The following DVL3 variants were observed in gnomAD, a reference collection of about 807,000 sequenced individuals.
The protein encoded by DVL3 is segment polarity protein dishevelled homolog DVL-3.
A neutral mutation model predicts 67.4 loss-of-function variants in DVL3; 27 were observed. The ratio of observed to expected loss-of-function variants is 0.40; its 90% CI spans 0.30 to 0.55. The LOEUF is 0.55. Ranked by LOEUF, DVL3 falls within the 20% of genes least tolerant of loss-of-function variation. The pLI, the probability that DVL3 is intolerant of heterozygous loss-of-function variation, is 0.46. For missense variants in DVL3, 819 were observed against 1,021.5 expected, an observed-to-expected ratio of 0.80 and a Z score of 2.70; for synonymous variants, 369 against 396.8, an observed-to-expected ratio of 0.93 and a Z score of 0.83.
At chr3:184,169,511 G>A (rs759095496) in intron 13 of DVL3, among the ~76,000 whole-genome samples, 78 of 152,130 alleles carry the variant, frequency 5.1e-4, no homozygotes, top group African/African-American at 1.8e-3. Flanking sequence ...CCTGGCTAAC[G>A]TGGCAAAACC....
Position 184,165,520 on chromosome 3 carries a change from C to A in DVL3, c.763+29C>A. On this transcript the variant is annotated intron_variant, in intron 7 of 14. Transcript: ENST00000313143. The surrounding 1 kb of genome is among the most constrained non-coding windows in gnomAD (Gnocchi z 4.1). The stretch of plus-strand genomic sequence containing the variant: ...AGTCTGAGGAAACAGCACTCTCAAG[C>A]ACCTGCTATATGCCAGACACTGGGC... 1.9e-6 allele frequency: 3 copies of A among 1,597,100 alleles called. No individual in the cohort carries two copies. The highest frequency in any genetic ancestry group is 2.6e-6 in the Non-Finnish European group (3 of 1,164,584).
chr3:184,160,772 C>T (rs1714353450), intron 1 of DVL3, among the ~76,000 whole-genome samples: 1 of 152,200 alleles, frequency 6.6e-6, no homozygotes. Context: ...CAATTTCCCC[C>T]AGACAGGCAG....
chr3:184,170,048 G>T lies in DVL3; in HGVS notation c.1541G>T (p.Gly514Val), dbSNP rs751940253. 2.5e-6 allele frequency: 4 copies of T among 1,613,256 alleles called. No homozygotes were observed. Among genetic ancestry groups the T allele is most frequent in the Non-Finnish European group, 3.4e-6 (4 of 1,179,512 alleles). ...CTCCACGATCACGATGGCTCCAGTG[G>T]CGCCTCTGACCAGGACACACTGGCC... ...LSLHDHDGSSGASDQDTLAPL... is the reference protein window; with the variant it reads ...LSLHDHDGSSVASDQDTLAPL... Residue 514 changes from glycine to valine, a missense_variant, in exon 14 of 15, where the codon GGC becomes GTC. Transcript: ENST00000313143. This position sits in a 1 kb window ranked among gnomAD's most constrained non-coding sequence, Gnocchi z 6.5.
At position 184,155,734 on chromosome 3, in the gene DVL3, T is replaced by C. The variant is rs934608779; in HGVS notation, c.99T>C (p.Phe33=). 3.1e-6 allele frequency: 5 copies of C among 1,613,162 alleles called. No homozygotes were observed. Among genetic ancestry groups the C allele is most frequent in the East Asian group, 2.2e-5 (1 of 44,766 alleles). The change falls in exon 1 of 15, where the codon TTT becomes TTC. Residue 33 remains phenylalanine (F), a synonymous_variant. Coordinates refer to ENST00000313143, the MANE Select transcript of DVL3 (RefSeq NM_004423.4). This position sits in a 1 kb window ranked among gnomAD's most constrained non-coding sequence, Gnocchi z 5.4. ...CCGAGCGCGTCACCTTGGCGGACTT[T>C]AAGGGCGTTTTGCAGCGACCCAGCT... ...LPAERVTLAD[F]KGVLQRPSYK... is the part of the protein sequence containing the mutation.
In DVL3 at chr3:184,155,788, C is replaced by A. The variant is rs761904481; in HGVS notation, c.153C>A (p.Asp51Glu). Residue 51 changes from aspartate (D) to glutamate (E), a missense_variant, in exon 1 of 15, where the codon GAC (aspartate) becomes GAA (glutamate). Physicochemically the swap from Asp to Glu is conservative, Grantham distance 45 (BLOSUM62 2). Transcript: ENST00000313143. The surrounding 1 kb of genome is among the most constrained non-coding windows in gnomAD (Gnocchi z 5.4). Reference protein sequence around the residue: ...SYKFFFKSMDDDFGVVKEEIS... With the variant: ...SYKFFFKSMDEDFGVVKEEIS... ...AGTTCTTCTTCAAGTCTATGGACGA[C>A]GATTTCGGGTGAGGATGGCCCCCGC... The A allele has an allele frequency of 2.5e-6, 4 of 1,608,502 alleles. No homozygotes were observed. The highest frequency in any genetic ancestry group is 2.7e-5 in the African/African-American group (2 of 74,834).
chr3:184,155,853 A>G lies in DVL3; in HGVS notation c.161+57A>G. The G allele has an allele frequency of 1.3e-6, 2 of 1,541,206 alleles. No homozygotes were observed. The highest frequency in any genetic ancestry group is 8.7e-7 in the Non-Finnish European group (1 of 1,142,886). On this transcript the variant is annotated intron_variant, in intron 1 of 14. Coordinates refer to ENST00000313143, the MANE Select transcript of DVL3 (RefSeq NM_004423.4). This position sits in a 1 kb window ranked among gnomAD's most constrained non-coding sequence, Gnocchi z 5.4. ...CCCCGGCCGCTCTGGCTTCTAAGGG[A>G]TGACGCGGTCCGTTTCGACTTGCCT... is the stretch of plus-strand genomic sequence containing the variant.
intron 1 of DVL3, among the ~76,000 whole-genome samples, chr3:184,162,381 C>G (rs983477668): frequency 6.6e-6 from 1 of 151,770 alleles, no homozygotes; most frequent in African/African-American, 2.4e-5. Flanking sequence ...GCCGGCACCT[C>G]GCTATGTTGA....
At position 184,166,823 on chromosome 3, in the gene DVL3, C is replaced by T; in HGVS notation, c.1049-3C>T. ...AGCCCATGACTCCTCATCCTCCCTGCAGGCGAGCCCATCCGGCCCATTGAC... is the reference window on the plus strand; with the variant it reads ...AGCCCATGACTCCTCATCCTCCCTGTAGGCGAGCCCATCCGGCCCATTGAC... On this transcript the variant is annotated splice_polypyrimidine_tract_variant and splice_region_variant and intron_variant, in intron 10 of 14. Transcript: ENST00000313143. The surrounding 1 kb of genome is among the most constrained non-coding windows in gnomAD (Gnocchi z 6.7). 6.2e-7 allele frequency: 1 copy of T among 1,613,904 alleles called. No homozygotes were observed.
In DVL3 at chr3:184,170,095, G is replaced by T; in HGVS notation, c.1588G>T (p.Ala530Ser). Residue 530 changes from alanine (A) to serine (S), a missense_variant, in exon 14 of 15, where the codon GCC becomes TCC. Physicochemically the swap from Ala to Ser is moderately conservative, Grantham distance 99 (BLOSUM62 1). Around this residue, in one of 3 missense-constraint regions of DVL3, gnomAD observed 324 missense variants for 331.3 expected, o/e 0.98. Transcript: ENST00000313143. The surrounding 1 kb of genome is among the most constrained non-coding windows in gnomAD (Gnocchi z 6.5). ...TLAPLPHPGA[A>S]PWPMAFPYQY... ...GGCCCCTTTGCCGCACCCGGGGGCC[G>T]CCCCTTGGCCCATGGCTTTCCCGTA... 6.2e-7 allele frequency: 1 copy of T among 1,613,854 alleles called. No individual in the cohort carries two copies. Among genetic ancestry groups the T allele is most frequent in the Non-Finnish European group, 8.5e-7 (1 of 1,179,922 alleles).
rs1577052846 is a variant in DVL3, at chr3:184,170,401, G to A, written c.1797G>A (p.Gly599=). Residue 599 remains glycine (G), a synonymous_variant, in exon 15 of 15, where the codon GGG becomes GGA. Coordinates refer to ENST00000313143, the MANE Select transcript of DVL3 (RefSeq NM_004423.4). This position sits in a 1 kb window ranked among gnomAD's most constrained non-coding sequence, Gnocchi z 6.5. The part of the protein sequence containing the change: ...KDPKAGDSKS[G]GSGSESDHTT... ...CGAAGGCCGGGGACTCCAAGTCCGG[G>A]GGCAGCGGCAGCGAATCGGACCACA... 1 of 1,603,828 alleles carries A rather than the reference G, an allele frequency of 6.2e-7. No homozygotes were observed. The highest frequency in any genetic ancestry group is 1.7e-5 in the Admixed American group (1 of 58,508).
Position 184,165,407 on chromosome 3 carries a change from C to G in DVL3, c.694-15C>G, listed in dbSNP as rs1488095634. On this transcript the variant is annotated splice_polypyrimidine_tract_variant and intron_variant, in intron 6 of 14. Coordinates refer to ENST00000313143, the MANE Select transcript of DVL3 (RefSeq NM_004423.4). The surrounding 1 kb of genome is among the most constrained non-coding windows in gnomAD (Gnocchi z 4.1). Reference sequence around the variant, plus strand: ...GCCACCTCCACCTGCTGCTCAGGGCCTCTGTCTATTCCAGTCCTCGTCCTT... The same window carrying G: ...GCCACCTCCACCTGCTGCTCAGGGCGTCTGTCTATTCCAGTCCTCGTCCTT... 1 of 1,613,788 alleles carries G rather than the reference C, an allele frequency of 6.2e-7. No homozygotes were observed. Among genetic ancestry groups the G allele is most frequent in the Admixed American group, 1.7e-5 (1 of 60,002 alleles).
intron 1 of DVL3, among the ~76,000 whole-genome samples, chr3:184,157,253 G>A (rs1714231352): frequency 6.6e-6 from 1 of 152,198 alleles, no homozygotes; most frequent in Non-Finnish European, 1.5e-5. Context: ...GGGTCTGGGT[G>A]AGGGGGTGGA....
rs1714441723 is a variant in DVL3, at chr3:184,163,120, C to T, written c.162-537C>T. ...CAGGCTGGTCTCGTACTCCTGACCT[C>T]AGGGTGATCTGCCTGCCTCAGCCTC... On this transcript the variant is annotated intron_variant, in intron 1 of 14. Transcript: ENST00000313143. The surrounding 1 kb of genome is among the most constrained non-coding windows in gnomAD (Gnocchi z 4.5). Among the ~76,000 whole-genome samples, 1 of 152,136 alleles carries T rather than the reference C, an allele frequency of 6.6e-6. No individual in the cohort carries two copies. The highest frequency in any genetic ancestry group is 1.5e-5 in the Non-Finnish European group (1 of 68,014).
intron 1 of DVL3, among the ~76,000 whole-genome samples, chr3:184,158,485 T>C (rs1714272375): frequency 6.6e-6 from 1 of 152,170 alleles, no homozygotes; most frequent in African/African-American, 2.4e-5. Context: ...TAGGTGTCAT[T>C]ATTATCACCA....
Position 184,167,602 on chromosome 3 carries a change from C to T in DVL3, c.1221C>T (p.Ser407=). ...DTERLDDFHL[S]IHSDMAAIVK... ...CAGGCCTAGACGACTTCCACTTGTC[C>T]ATCCACAGTGACATGGCTGCCATCG... is the stretch of plus-strand genomic sequence containing the variant. Residue 407 remains serine, a synonymous_variant, in exon 12 of 15, where the codon TCC becomes TCT. Transcript: ENST00000313143. This position sits in a 1 kb window ranked among gnomAD's most constrained non-coding sequence, Gnocchi z 4.6. The T allele has an allele frequency of 1.2e-6, 2 of 1,614,036 alleles. No individual in the cohort carries two copies. Among genetic ancestry groups the T allele is most frequent in the Non-Finnish European group, 1.7e-6 (2 of 1,180,040 alleles).
rs749596621 is a variant in DVL3 at position 184,170,893 on chromosome 3, G to T, written c.*138G>T. On this transcript the variant is annotated 3_prime_UTR_variant, in exon 15 of 15. Coordinates refer to ENST00000313143, the MANE Select transcript of DVL3 (RefSeq NM_004423.4). The surrounding 1 kb of genome is among the most constrained non-coding windows in gnomAD (Gnocchi z 6.5). ...CTAAATCCAGGTGCGCTAACTGCTC[G>T]CAGGGTGCTGCGAGGGTGGGGTGCA... The T allele has an allele frequency of 4.5e-6, 7 of 1,546,858 alleles. No individual in the cohort carries two copies. The highest frequency in any genetic ancestry group is 2.0e-5 in the Admixed American group (1 of 50,950).
chr3:184,162,131 C>G (rs1261958352), intron 1 of DVL3, among the ~76,000 whole-genome samples: 1 of 151,774 alleles, frequency 6.6e-6, no homozygotes, highest in African/African-American at 2.4e-5. Context: ...AAGTGTTTAG[C>G]ATAGTGCTTG....
rs1714892770 is a variant in DVL3 at position 184,172,789 on chromosome 3, GT to G, written c.*2036del. On this transcript the variant is annotated 3_prime_UTR_variant, in exon 15 of 15. Coordinates refer to ENST00000313143, the MANE Select transcript of DVL3 (RefSeq NM_004423.4). ...GGGGTTTTGGTGTGCAGAGGGCTTT[GT>G]TGGAAGTGTGACTCAATCTTGCCTG... is the stretch of plus-strand genomic sequence containing the variant. 6.6e-6 allele frequency: 1 copy of G among 152,266 alleles called. No homozygotes were observed. Among genetic ancestry groups the G allele is most frequent in the Admixed American group, 6.5e-5 (1 of 15,284 alleles). The allele number at this position is 152,266 out of a possible 1,614,324, so 9.4% of individuals were successfully genotyped here.
intron 1 of DVL3, among the ~76,000 whole-genome samples, chr3:184,162,487 T>C (rs1179638750): frequency 6.6e-6 from 1 of 152,018 alleles, no homozygotes; most frequent in African/African-American, 2.4e-5. Context: ...CAATTATTAC[T>C]GTTAATTATC....
Sources: gnomAD v4.1 joint callset for allele counts (sites outside exome capture counted in the v4.1 genomes callset) on GRCh38, gnomAD v4.1.1 for gene constraint, gnomAD v4.1.1 regional missense constraint, Gnocchi (gnomAD v3.1) non-coding constraint, MANE v1.5 for transcripts, NCBI Gene and HGNC (gene_info 2026-07-23, HGNC 2026-07-21) for gene names.